Variants in IGFBP7 observed in about 807,000 individuals in gnomAD.
The protein encoded by IGFBP7 is insulin-like growth factor-binding protein 7.
A neutral mutation model predicts 29.4 loss-of-function variants in IGFBP7; 31 were observed. That is an observed-to-expected ratio of 1.05 (90% CI 0.79 to 1.42). The LOEUF (loss-of-function observed/expected upper bound fraction) is 1.42, where lower values mean the gene tolerates loss of function less well. Among genes scored for constraint, IGFBP7 ranks in the 40% most tolerant of loss-of-function variants. The pLI is 0.00. For missense variants in IGFBP7, 393 were observed against 395.5 expected (o/e 0.99, Z 0.05); for synonymous variants, 172 against 174.9 (o/e 0.98, Z 0.13).
At chr4:57,071,133 T>C (rs1195918488) in intron 1 of IGFBP7, among the ~76,000 whole-genome samples, 1 of 152,206 alleles carries the variant, frequency 6.6e-6, no homozygotes, top group Non-Finnish European at 1.5e-5. Flanking sequence ...CGCATGAGCA[T>C]ATGTTGGTCA....
chr4:57,090,236 C>T (rs1248398453), intron 1 of IGFBP7, among the ~76,000 whole-genome samples: 2 of 152,176 alleles, frequency 1.3e-5, no homozygotes, highest in East Asian at 1.9e-4. Context: ...AGAAAACTGC[C>T]GTCAACTGTT....
intron 1 of IGFBP7, among the ~76,000 whole-genome samples, chr4:57,064,024 C>G (rs555800433): frequency 1.3e-5 from 2 of 152,072 alleles, no homozygotes; most frequent in Non-Finnish European, 2.9e-5. Context: ...GGGAGAAGCC[C>G]GAGTGACATT....
At chr4:57,062,648 C>A (rs1724826006) in intron 1 of IGFBP7, among the ~76,000 whole-genome samples, 1 of 152,112 alleles carries the variant, frequency 6.6e-6, no homozygotes, top group African/African-American at 2.4e-5. Context: ...TTAATGTTTT[C>A]AATCAGTGTT....
chr4:57,100,982 G>A (rs1331156412), intron 1 of IGFBP7, among the ~76,000 whole-genome samples: 3 of 152,218 alleles, frequency 2.0e-5, no homozygotes, highest in Admixed American at 2.0e-4. Context: ...ATCCACAGAA[G>A]TCCTTAGCAA....
chr4:57,059,266 A>C (rs1473461299), intron 1 of IGFBP7, among the ~76,000 whole-genome samples: 1 of 152,200 alleles, frequency 6.6e-6, no homozygotes, highest in African/African-American at 2.4e-5. Flanking sequence ...GAGGGACATA[A>C]ATCATTCTAC....
intron 1 of IGFBP7, among the ~76,000 whole-genome samples, chr4:57,100,802 G>A (rs1725880152): frequency 6.6e-6 from 1 of 152,136 alleles, no homozygotes; most frequent in Non-Finnish European, 1.5e-5. Flanking sequence ...CAATGTTGCT[G>A]GTCTACATAC....
At chr4:57,048,062 T>A (rs1193063368) in intron 1 of IGFBP7, among the ~76,000 whole-genome samples, 3 of 151,074 alleles carry the variant, frequency 2.0e-5, no homozygotes, top group Non-Finnish European at 4.4e-5. Context: ...GCCCCCCTTT[T>A]TTTTTTTGAG....
At chr4:57,108,610 C>T (rs1344732474) in intron 1 of IGFBP7, among the ~76,000 whole-genome samples, 2 of 151,572 alleles carry the variant, frequency 1.3e-5, no homozygotes, top group Non-Finnish European at 2.9e-5. Flanking sequence ...CATGTGATCT[C>T]GGCTCACTGC....
chr4:57,068,068 C>T (rs146860304), intron 1 of IGFBP7, among the ~76,000 whole-genome samples: 160 of 152,096 alleles, frequency 1.1e-3, no homozygotes, highest in African/African-American at 3.4e-3. Context: ...TGGCTCATGC[C>T]GTAGTCACAG....
At chr4:57,085,123 T>C (rs1039734990) in intron 1 of IGFBP7, among the ~76,000 whole-genome samples, 2 of 152,146 alleles carry the variant, frequency 1.3e-5, no homozygotes, top group South Asian at 4.2e-4. Context: ...AAGTGCAGTA[T>C]TGTTTTCACT....
intron 1 of IGFBP7, among the ~76,000 whole-genome samples, chr4:57,065,324 T>C (rs1349300917): frequency 6.6e-6 from 1 of 152,180 alleles, no homozygotes; most frequent in African/African-American, 2.4e-5. Context: ...AAGAGATGAG[T>C]TTGAGACTCT....
chr4:57,040,202 T>G (rs1442153028), intron 2 of IGFBP7, among the ~76,000 whole-genome samples: 1 of 152,110 alleles, frequency 6.6e-6, no homozygotes, highest in African/African-American at 2.4e-5. Flanking sequence ...GCCCTTAAAA[T>G]GTACTCATCC....
intron 1 of IGFBP7, among the ~76,000 whole-genome samples, chr4:57,081,822 A>G (rs549326175): frequency 1.3e-5 from 2 of 152,310 alleles, no homozygotes; most frequent in South Asian, 4.1e-4. Flanking sequence ...TCAGCACAAA[A>G]TAAAGGACTA....
chr4:57,060,400 T>G (rs1177700619), intron 1 of IGFBP7, among the ~76,000 whole-genome samples: 1 of 152,204 alleles, frequency 6.6e-6, no homozygotes, highest in Admixed American at 6.5e-5. Flanking sequence ...GGAGTGTTTC[T>G]TAATCTAATT....
intron 1 of IGFBP7, among the ~76,000 whole-genome samples, chr4:57,056,351 G>A (rs1053770958): frequency 4.9e-4 from 74 of 152,168 alleles, no homozygotes; most frequent in African/African-American, 1.7e-3. Context: ...CTCCTCTTAC[G>A]CTAGTGTAGG....
At chr4:57,092,962 T>C (rs1725674781) in intron 1 of IGFBP7, among the ~76,000 whole-genome samples, 1 of 152,050 alleles carries the variant, frequency 6.6e-6, no homozygotes, top group African/African-American at 2.4e-5. Flanking sequence ...AAAAACAAGA[T>C]ATAAATACAT....
intron 2 of IGFBP7, among the ~76,000 whole-genome samples, chr4:57,039,456 C>T (rs1445788323): frequency 6.6e-6 from 1 of 152,050 alleles, no homozygotes; most frequent in Non-Finnish European, 1.5e-5. Flanking sequence ...TTAATTCTCA[C>T]GACAGGGGGG....
intron 1 of IGFBP7, among the ~76,000 whole-genome samples, chr4:57,048,471 G>C (rs1012872562): frequency 6.6e-6 from 1 of 152,180 alleles, no homozygotes; most frequent in African/African-American, 2.4e-5. Flanking sequence ...ATACAGAAAA[G>C]GTAGTTTTAT....
At chr4:57,100,519 G>C (rs1191486654) in intron 1 of IGFBP7, among the ~76,000 whole-genome samples, 4 of 152,146 alleles carry the variant, frequency 2.6e-5, no homozygotes, top group African/African-American at 9.7e-5. Context: ...GTACCATAAA[G>C]AGCCATCTCA....
Sources: allele counts gnomAD v4.1 joint callset (sites outside exome capture counted in the v4.1 genomes callset), GRCh38; gene constraint gnomAD v4.1.1; transcripts MANE v1.5; gene names NCBI Gene and HGNC (gene_info 2026-07-23, HGNC 2026-07-21).